The following MINDY2 variants were observed in gnomAD, a reference collection of about 807,000 sequenced individuals.
The protein encoded by MINDY2 is ubiquitin carboxyl-terminal hydrolase MINDY-2.
MINDY2 carries 52 observed loss-of-function variants against 68.2 expected under a neutral mutation model. The ratio of observed to expected loss-of-function variants is 0.76; its 90% CI spans 0.61 to 0.96. MINDY2 has a LOEUF of 0.96. MINDY2 is among the 40% of genes least tolerant of loss of function. MINDY2 has a pLI of 0.00. For missense variants in MINDY2, 881 were observed against 773.4 expected (o/e 1.14, Z -1.65); for synonymous variants, 372 against 303.0 (o/e 1.23, Z -2.36).
At chr15:58,827,860 A>C (rs1332547024) in intron 5 of MINDY2, among the ~76,000 whole-genome samples, 3 of 152,096 alleles carry the variant, frequency 2.0e-5, no homozygotes, top group Non-Finnish European at 4.4e-5. Context: ...GTTCTTTTGT[A>C]TCTCCTCATC....
chr15:58,808,813 C>T (rs546509503), intron 3 of MINDY2, among the ~76,000 whole-genome samples: 3 of 152,140 alleles, frequency 2.0e-5, no homozygotes, highest in Non-Finnish European at 4.4e-5. Context: ...ACCCTGTTAG[C>T]CAAGATGGTC....
chr15:58,803,945 GAAAAAAAAAAAA>G (rs34082956), intron 3 of MINDY2, among the ~76,000 whole-genome samples: 2 of 77,232 alleles, frequency 2.6e-5, no homozygotes, highest in Non-Finnish European at 4.9e-5. Flanking sequence ...CAGCTCTACT[GAAAAAAAAAAAA>G]AAAAAAAAAA....
At chr15:58,782,231 T>C (rs1277686935) in intron 1 of MINDY2, among the ~76,000 whole-genome samples, 1 of 152,162 alleles carries the variant, frequency 6.6e-6, no homozygotes, top group African/African-American at 2.4e-5. Context: ...TAAAAAATCA[T>C]GAATACTATA....
At chr15:58,840,570 A>C (rs577178126) in intron 6 of MINDY2, among the ~76,000 whole-genome samples, 2 of 151,446 alleles carry the variant, frequency 1.3e-5, no homozygotes, top group Admixed American at 1.3e-4. Flanking sequence ...CTGGTCTTCT[A>C]CAATTAAACT....
rs1190277334 is a variant in MINDY2 at position 58,854,730 on chromosome 15, T to C, written c.*120T>C. ...ATTTCCTAATGGATTTTGTTCGTTTTTTCAGGGGAACGGTTGTTACTTAGT... is the reference window on the plus strand; with the variant it reads ...ATTTCCTAATGGATTTTGTTCGTTTCTTCAGGGGAACGGTTGTTACTTAGT... On this transcript the variant is annotated 3_prime_UTR_variant, in exon 9 of 9. Transcript: ENST00000559228. 2 of 1,212,128 alleles carry C rather than the reference T, an allele frequency of 1.6e-6. No individual in the cohort carries two copies. The highest frequency in any genetic ancestry group is 4.9e-5 in the East Asian group (2 of 40,768). The allele number at this position is 1,212,128 out of a possible 1,614,324, so 75.1% of individuals were successfully genotyped here. A position where few individuals can be genotyped will look rare whatever the true frequency, so the allele number is the denominator to read the frequency against.
intron 1 of MINDY2, among the ~76,000 whole-genome samples, chr15:58,777,591 T>A (rs752694924): frequency 6.6e-6 from 1 of 151,942 alleles, no homozygotes; most frequent in Non-Finnish European, 1.5e-5. Context: ...CTGGTCAACA[T>A]AATGAGACCC....
Position 58,851,924 on chromosome 15 carries a change from C to A in MINDY2, c.1696C>A (p.Gln566Lys), listed in dbSNP as rs1309681484. ...RASQYYQEQE[Q>K]AAAAAAAAST... ...TTCTCAATACTATCAGGAACAGGAA[C>A]AAGCAGCAGCTGCTGCTGCTGCTGC... Residue 566 changes from glutamine to lysine, a missense_variant, in exon 8 of 9, where the codon CAA (glutamine) becomes AAA (lysine). Coordinates refer to ENST00000559228, the MANE Select transcript of MINDY2 (RefSeq NM_001040450.3). The A allele has an allele frequency of 6.3e-7, 1 of 1,595,472 alleles. No homozygotes were observed. Among genetic ancestry groups the A allele is most frequent in the East Asian group, 2.2e-5 (1 of 44,578 alleles).
chr15:58,852,079 G>A (rs2140871732), intron 8 of MINDY2, 114 bp downstream of exon 8: 1 of 743,166 alleles, frequency 1.3e-6, no homozygotes, highest in South Asian at 2.1e-5. Flanking sequence ...TTGAGCCCAG[G>A]AGTTCGAGAC....
At chr15:58,814,394 G>GT (rs377415094) in intron 4 of MINDY2, among the ~76,000 whole-genome samples, 74 of 143,008 alleles carry the variant, frequency 5.2e-4, no homozygotes, top group African/African-American at 1.2e-3. Context: ...TTTTGGTTTT[G>GT]TTTTTTTTTT....
At chr15:58,803,945 G>GA (rs34082956) in intron 3 of MINDY2, among the ~76,000 whole-genome samples, 1,585 of 77,192 alleles carry the variant, frequency 0.021, 26 homozygotes, top group African/African-American at 0.029. Context: ...CAGCTCTACT[G>GA]AAAAAAAAAA....
chr15:58,838,742 A>G (rs1218747063), intron 6 of MINDY2, among the ~76,000 whole-genome samples: 1 of 151,102 alleles, frequency 6.6e-6, no homozygotes, highest in African/African-American at 2.4e-5. Flanking sequence ...GGGTACCACC[A>G]CTCCTGGCTT....
chr15:58,814,436 G>C (rs2030535443), intron 4 of MINDY2, among the ~76,000 whole-genome samples: 1 of 151,908 alleles, frequency 6.6e-6, no homozygotes, highest in South Asian at 2.1e-4. Flanking sequence ...ACCCAGGCTG[G>C]AGTGCAGTGG....
intron 6 of MINDY2, among the ~76,000 whole-genome samples, chr15:58,844,183 A>C (rs2032412477): frequency 6.6e-6 from 1 of 152,196 alleles, no homozygotes; most frequent in Admixed American, 6.5e-5. Context: ...AGATGGGCCT[A>C]AACTAGTACT....
intron 1 of MINDY2, among the ~76,000 whole-genome samples, chr15:58,777,646 A>G (rs1180015224): frequency 6.6e-6 from 1 of 152,202 alleles, no homozygotes; most frequent in Non-Finnish European, 1.5e-5. Context: ...TTATAAAAAA[A>G]GAAAATCTGT....
At chr15:58,796,007 C>T (rs1488309892) in intron 2 of MINDY2, 1 of 442,724 alleles carries the variant, frequency 2.3e-6, no homozygotes. Context: ...CTCTTTATGA[C>T]TTGGCAGTGT....
chr15:58,788,222 A>G (rs536705348), intron 2 of MINDY2, among the ~76,000 whole-genome samples: 1 of 152,322 alleles, frequency 6.6e-6, no homozygotes, highest in South Asian at 2.1e-4. Flanking sequence ...TCTTAATCCC[A>G]ATAAATTGTA....
chr15:58,786,893 A>T (rs899392316), intron 1 of MINDY2, among the ~76,000 whole-genome samples: 1 of 152,046 alleles, frequency 6.6e-6, no homozygotes, highest in African/African-American at 2.4e-5. Context: ...GCAATGGTGC[A>T]TTCTTGGCTC....
intron 5 of MINDY2, among the ~76,000 whole-genome samples, chr15:58,825,310 G>T (rs988650051): frequency 3.3e-5 from 5 of 152,118 alleles, no homozygotes; most frequent in African/African-American, 1.2e-4. Context: ...TGCCTTATAA[G>T]TAAAGGTGCA....
chr15:58,816,044 T>G (rs2030664935), intron 4 of MINDY2, among the ~76,000 whole-genome samples: 1 of 152,236 alleles, frequency 6.6e-6, no homozygotes, highest in African/African-American at 2.4e-5. Context: ...TTATAAGGGC[T>G]GGACTCAGCA....
Sources: allele counts gnomAD v4.1 joint callset (sites outside exome capture counted in the v4.1 genomes callset), GRCh38; gene constraint gnomAD v4.1.1; transcripts MANE v1.5; gene names NCBI Gene and HGNC (gene_info 2026-07-23, HGNC 2026-07-21).